Variants in MRPS5 observed in about 807,000 individuals in gnomAD.
MRPS5 encodes the protein mitochondrial ribosomal protein S5.
In MRPS5, 27 loss-of-function variants were observed where a neutral mutation model predicts 51.9. That is an observed-to-expected ratio of 0.52 (90% CI 0.38 to 0.72). The LOEUF is 0.72. Ranked by LOEUF, MRPS5 falls within the 30% of genes least tolerant of loss-of-function variation. MRPS5 has a pLI of 0.00. For missense variants in MRPS5, 570 were observed against 545.7 expected (o/e 1.04, Z -0.44); for synonymous variants, 196 against 193.2 (o/e 1.01, Z -0.12).
Position 95,115,187 on chromosome 2 carries a change from C to T in MRPS5, c.156G>A (p.Leu52=). The T allele has an allele frequency of 2.5e-6, 4 of 1,601,824 alleles. No individual in the cohort carries two copies. The highest frequency in any genetic ancestry group is 3.4e-6 in the Non-Finnish European group (4 of 1,176,784). The change falls in exon 3 of 12, where the codon CTG becomes CTA. Residue 52 remains leucine (L), a synonymous_variant. Transcript: ENST00000272418. ...SVLGNGHLSS[L]GTRDTHPYAS... ...CGTAGGGATGGGTGTCTCTGGTTCCCAGTGATGACAAATGGCCTGTAGGCA... is the reference window on the plus strand; with the variant it reads ...CGTAGGGATGGGTGTCTCTGGTTCCTAGTGATGACAAATGGCCTGTAGGCA...
intron 6 of MRPS5, among the ~76,000 whole-genome samples, chr2:95,106,020 G>C (rs1283422598): frequency 6.6e-6 from 1 of 152,138 alleles, no homozygotes; most frequent in East Asian, 1.9e-4. Context: ...GAACCAGACA[G>C]GCACCACAAC....
intron 1 of MRPS5, 139 bp downstream of exon 1, chr2:95,121,595 G>A: frequency 3.2e-6 from 3 of 929,868 alleles, no homozygotes; most frequent in Non-Finnish European, 4.6e-6. Context: ...CAGCGGCTCC[G>A]GCGGAAGGTG....
At chr2:95,112,160 G>A (rs568981688) in intron 3 of MRPS5, among the ~76,000 whole-genome samples, 3 of 152,116 alleles carry the variant, frequency 2.0e-5, no homozygotes, top group Non-Finnish European at 2.9e-5. Context: ...CGCCTCCCGG[G>A]TTCAAGAGAT....
chr2:95,115,699 G>A (rs1434013503), intron 2 of MRPS5, among the ~76,000 whole-genome samples: 1 of 152,154 alleles, frequency 6.6e-6, no homozygotes, highest in East Asian at 1.9e-4. Context: ...TGGAAACAAC[G>A]GTTGCCTCTG....
chr2:95,108,354 G>T lies in MRPS5; in HGVS notation c.458C>A (p.Ala153Glu), dbSNP rs1371567184. ...GCTTCTTTGGGCAATGGTCTGCACTGCTCCATTTTTCATAAGAGGGACATT... is the reference window on the plus strand; with the variant it reads ...GCTTCTTTGGGCAATGGTCTGCACTTCTCCATTTTTCATAAGAGGGACATT... Reference protein sequence around the residue: ...GLNVPLMKNGAVQTIAQRSKE... With the variant: ...GLNVPLMKNGEVQTIAQRSKE... The change falls in exon 5 of 12, where the codon GCA becomes GAA. Residue 153 changes from alanine to glutamate, a missense_variant. Coordinates refer to ENST00000272418, the MANE Select transcript of MRPS5 (RefSeq NM_031902.5). 1 of 1,614,058 alleles carries T rather than the reference G, an allele frequency of 6.2e-7. No homozygotes were observed. The highest frequency in any genetic ancestry group is 8.5e-7 in the Non-Finnish European group (1 of 1,180,016).
intron 4 of MRPS5, among the ~76,000 whole-genome samples, chr2:95,109,050 C>T (rs925989103): frequency 5.9e-5 from 9 of 151,378 alleles, no homozygotes; most frequent in African/African-American, 2.2e-4. Context: ...GGAAACACAC[C>T]AATATGAGGC....
At chr2:95,099,761 T>G (rs1264197261) in intron 10 of MRPS5, among the ~76,000 whole-genome samples, 1 of 151,994 alleles carries the variant, frequency 6.6e-6, no homozygotes, top group African/African-American at 2.4e-5. Context: ...TATTTGAGGG[T>G]TTTTTCCTGA....
Position 95,087,001 on chromosome 2 carries a change from C to G in MRPS5, c.*356G>C, listed in dbSNP as rs564072747. ...TGTAAAATGAAGTTAATCACATTCA[C>G]TTTGGATGAATGAGTTCATATATAT... On this transcript the variant is annotated 3_prime_UTR_variant, in exon 12 of 12. Coordinates refer to ENST00000272418, the MANE Select transcript of MRPS5 (RefSeq NM_031902.5). 5.3e-4 allele frequency among the ~76,000 whole-genome samples: 81 copies of G among 152,270 alleles called. 1 individual carries two copies. The highest frequency in any genetic ancestry group is 1.2e-3 in the South Asian group (6 of 4,830).
chr2:95,101,367 A>G (rs1675796063), intron 8 of MRPS5, among the ~76,000 whole-genome samples: 1 of 151,502 alleles, frequency 6.6e-6, no homozygotes, highest in South Asian at 2.1e-4. Context: ...CTGGGTGACA[A>G]GAGTGAGACA....
chr2:95,113,471 C>T (rs1573349307), intron 3 of MRPS5, among the ~76,000 whole-genome samples: 1 of 152,056 alleles, frequency 6.6e-6, no homozygotes, highest in East Asian at 1.9e-4. Context: ...AGCAAGACTC[C>T]GTCTCAAACA....
At chr2:95,116,107 T>C (rs539070346) in intron 2 of MRPS5, among the ~76,000 whole-genome samples, 2 of 152,116 alleles carry the variant, frequency 1.3e-5, no homozygotes, top group African/African-American at 4.8e-5. Flanking sequence ...GGTTTCACCA[T>C]GGTGGCCAGG....
chr2:95,100,903 A>T lies in MRPS5; in HGVS notation c.811-9T>A, dbSNP rs755549161. 23 of 1,603,788 alleles carry T rather than the reference A, an allele frequency of 1.4e-5. No homozygotes were observed. The South Asian group carries it at 2.6e-4, about 18-fold the overall frequency. ...ACTGCTCTGTTCTTTGCCTGAAAGG[A>T]AAATGTTTTTCTTAACTCTATTGTT... On this transcript the variant is annotated splice_polypyrimidine_tract_variant and intron_variant, in intron 8 of 11. Transcript: ENST00000272418.
intron 5 of MRPS5, among the ~76,000 whole-genome samples, 195 bp downstream of exon 5, chr2:95,107,980 C>T (rs1230006047): frequency 6.6e-6 from 1 of 152,170 alleles, no homozygotes; most frequent in Non-Finnish European, 1.5e-5. Context: ...CCAGTGCTTT[C>T]TATCCTGTTA....
intron 1 of MRPS5, among the ~76,000 whole-genome samples, chr2:95,121,478 G>A (rs776744508): frequency 6.6e-6 from 1 of 152,200 alleles, no homozygotes; most frequent in African/African-American, 2.4e-5. Flanking sequence ...ACGCTCAAGC[G>A]GTTTCGTGAA....
intron 11 of MRPS5, among the ~76,000 whole-genome samples, chr2:95,089,905 C>T (rs1488901062): frequency 1.3e-5 from 2 of 152,048 alleles, no homozygotes; most frequent in Admixed American, 6.5e-5. Context: ...AGGCCGGGCG[C>T]GGTGGCTCAC....
At chr2:95,098,320 C>T (rs1465366217) in intron 10 of MRPS5, among the ~76,000 whole-genome samples, 3 of 152,176 alleles carry the variant, frequency 2.0e-5, no homozygotes, top group African/African-American at 7.2e-5. Context: ...TACCATTTGA[C>T]CCAGCCATCC....
intron 11 of MRPS5, 134 bp downstream of exon 11, chr2:95,090,252 G>C: frequency 1.5e-6 from 1 of 667,574 alleles, no homozygotes; most frequent in Admixed American, 2.6e-5. Flanking sequence ...TGCAGTCACA[G>C]ACAACAAAGA....
intron 7 of MRPS5, among the ~76,000 whole-genome samples, chr2:95,102,402 G>A (rs181431873): frequency 2.6e-5 from 4 of 152,244 alleles, no homozygotes; most frequent in Non-Finnish European, 2.9e-5. Flanking sequence ...AGTGGCTCAC[G>A]CCTATAATCC....
chr2:95,097,302 C>G (rs558026414), intron 10 of MRPS5, among the ~76,000 whole-genome samples: 1 of 152,194 alleles, frequency 6.6e-6, no homozygotes, highest in South Asian at 2.1e-4. Flanking sequence ...CCCCATCAAG[C>G]TACCAATGAC....
Sources: allele counts gnomAD v4.1 joint callset (sites outside exome capture counted in the v4.1 genomes callset), GRCh38; gene constraint gnomAD v4.1.1; transcripts MANE v1.5; gene names NCBI Gene and HGNC (gene_info 2026-07-23, HGNC 2026-07-21).